Variants in CD163L1 observed in about 807,000 individuals in gnomAD.
The protein encoded by CD163L1 is CD163 molecule like 1.
In CD163L1, 124 loss-of-function variants were observed where a neutral mutation model predicts 165.4. The observed-to-expected ratio is 0.75, with a 90% CI of 0.65 to 0.87. The LOEUF (loss-of-function observed/expected upper bound fraction) is 0.87. Among genes scored for constraint, CD163L1 ranks in the 40% least tolerant of loss-of-function variants. The pLI is 0.00. For missense variants in CD163L1, 1,525 were observed against 1,799.9 expected (o/e 0.85, Z 2.76); for synonymous variants, 585 against 662.2 (o/e 0.88, Z 1.79).
intron 3 of CD163L1, 166 bp downstream of exon 3, chr12:7,433,208 G>A (rs1948658794): frequency 5.7e-6 from 3 of 527,076 alleles, no homozygotes; most frequent in Non-Finnish European, 9.5e-6. Flanking sequence ...AAAAAGAAAA[G>A]CAATTAGACA....
chr12:7,403,086 C>A (rs1182936296), intron 6 of CD163L1, among the ~76,000 whole-genome samples: 3 of 151,912 alleles, frequency 2.0e-5, no homozygotes, highest in African/African-American at 4.8e-5. Flanking sequence ...TACATCGTAT[C>A]AACATATGCA....
At chr12:7,355,594 T>C (rs1290385983) in intron 19 of CD163L1, among the ~76,000 whole-genome samples, 2 of 152,100 alleles carry the variant, frequency 1.3e-5, no homozygotes, top group Non-Finnish European at 2.9e-5. Context: ...TGCTCAGTGT[T>C]ATGAGCTGAA....
intron 5 of CD163L1, among the ~76,000 whole-genome samples, chr12:7,405,453 T>C (rs1947998185): frequency 6.6e-6 from 1 of 152,146 alleles, no homozygotes; most frequent in African/African-American, 2.4e-5. Flanking sequence ...GGTCCCCAGA[T>C]AAAACTTGCA....
At chr12:7,376,732 G>C (rs1947278737) in intron 9 of CD163L1, among the ~76,000 whole-genome samples, 1 of 152,060 alleles carries the variant, frequency 6.6e-6, no homozygotes, top group South Asian at 2.1e-4. Context: ...CTTTCAGAAA[G>C]TTTTGTTTTC....
chr12:7,332,443 A>G, the CD163L1 span, among the ~76,000 whole-genome samples: 2 of 151,400 alleles, frequency 1.3e-5, no homozygotes, highest in Admixed American at 6.6e-5. Flanking sequence ...CGCCACAAAG[A>G]TACTCCTCGA....
rs995537758 is a variant in CD163L1, at chr12:7,347,324, C to T, written c.*25-177G>A. On this transcript the variant is annotated intron_variant, in intron 4 of 4. Coordinates refer to the CD163L1 transcript ENST00000539726. This position sits in a 1 kb window ranked among gnomAD's most constrained non-coding sequence, Gnocchi z 4.2. ...GAAATCATTGCTCTTCAAAGATCCTCTTGGGCTAATGAATACCTGATGTAT... is the reference window on the plus strand; with the variant it reads ...GAAATCATTGCTCTTCAAAGATCCTTTTGGGCTAATGAATACCTGATGTAT... 2.0e-5 allele frequency among the ~76,000 whole-genome samples: 3 copies of T among 152,150 alleles called. No homozygotes were observed. The highest frequency in any genetic ancestry group is 4.4e-5 in the Non-Finnish European group (3 of 68,022).
chr12:7,407,645 A>C (rs1462791182), intron 4 of CD163L1, among the ~76,000 whole-genome samples: 1 of 151,848 alleles, frequency 6.6e-6, no homozygotes, highest in Non-Finnish European at 1.5e-5. Context: ...ATTTGGATAT[A>C]TATATACACA....
At chr12:7,358,677 T>C (rs750618504) in intron 18 of CD163L1, among the ~76,000 whole-genome samples, 123 of 152,178 alleles carry the variant, frequency 8.1e-4, no homozygotes, top group African/African-American at 2.8e-3. Flanking sequence ...CCACTATATA[T>C]CATGTCTGAC....
rs748163996 is a variant in CD163L1 at position 7,375,786 on chromosome 12, C to G, written c.2600G>C (p.Ser867Thr). The G allele has an allele frequency of 6.2e-7, 1 of 1,614,240 alleles. No homozygotes were observed. The highest frequency in any genetic ancestry group is 1.7e-5 in the Admixed American group (1 of 60,026). The change falls in exon 10 of 20, where the codon AGT becomes ACT. Residue 867 changes from serine to threonine, a missense_variant. Transcript: ENST00000313599. ...TWAEKFQCEG[S>T]ETHLALCPIV... ...GGGGCATAATGCAAGGTGAGTTTCA[C>G]TCCCTTCACACTGGAACTTTTCGGC...
rs1306901301 is a variant in CD163L1 at position 7,420,984 on chromosome 12, G to GGTATATATATACATATATATATATACGT, written c.766+11404_766+11431dup. ...ATCAATGACTGGGTAAAGAAATTGT[G>GGTATATATATACATATATATATATACGT]GTATATATATACATATATATATATA... is the stretch of plus-strand genomic sequence containing the variant. On this transcript the variant is annotated intron_variant, in intron 4 of 19. Coordinates refer to ENST00000313599, the MANE Select transcript of CD163L1 (RefSeq NM_174941.6). Among the ~76,000 whole-genome samples the GGTATATATATACATATATATATATACGT allele has an allele frequency of 3.7e-3, 374 of 101,502 alleles. 14 individuals carry two copies. The highest frequency in any genetic ancestry group is 0.015 in the African/African-American group (278 of 19,110). The allele number at this position is 101,502 out of a possible 152,430, so 66.6% of individuals were successfully genotyped here.
rs760170147 is a variant in CD163L1 at position 7,374,791 on chromosome 12, C to T, written c.3095-35G>A. 2 of 1,613,968 alleles carry T rather than the reference C, an allele frequency of 1.2e-6. No homozygotes were observed. Among genetic ancestry groups the T allele is most frequent in the Non-Finnish European group, 1.7e-6 (2 of 1,179,986 alleles). On this transcript the variant is annotated intron_variant, in intron 12 of 19. Coordinates refer to ENST00000313599, the MANE Select transcript of CD163L1 (RefSeq NM_174941.6). This position sits in a 1 kb window ranked among gnomAD's most constrained non-coding sequence, Gnocchi z 5.4. ...GAAAGTCCAGTTAATAGGTCACATTCTTTAGAGTTGCAGTGTTTCCTAAAA... is the reference window on the plus strand; with the variant it reads ...GAAAGTCCAGTTAATAGGTCACATTTTTTAGAGTTGCAGTGTTTCCTAAAA...
intron 18 of CD163L1, among the ~76,000 whole-genome samples, chr12:7,362,486 T>C (rs936231709): frequency 1.4e-5 from 2 of 140,442 alleles, no homozygotes; most frequent in Non-Finnish European, 3.0e-5. Context: ...TGTAAGATAG[T>C]ATATATTAAT....
At chr12:7,373,662 AG>A (rs1312944597) in intron 13 of CD163L1, 22 bp from the exon 14 acceptor site, 2 of 1,531,680 alleles carry the variant, frequency 1.3e-6, no homozygotes, top group Non-Finnish European at 1.8e-6. Flanking sequence ...TACAAAACTT[AG>A]TATTAAATAT....
chr12:7,322,362 G>C, the CD163L1 span: 8 of 1,608,740 alleles, frequency 5.0e-6, no homozygotes, highest in Non-Finnish European at 6.8e-6. Context: ...TAATTGTCTT[G>C]CAGTGAAAGC....
the CD163L1 span, among the ~76,000 whole-genome samples, chr12:7,327,622 A>G: frequency 6.6e-6 from 1 of 152,170 alleles, no homozygotes; most frequent in Non-Finnish European, 1.5e-5. Flanking sequence ...CCTTCTAACC[A>G]TGGAACTGGG....
chr12:7,404,583 A>T (rs763935276), intron 5 of CD163L1, among the ~76,000 whole-genome samples: 14 of 152,194 alleles, frequency 9.2e-5, no homozygotes, highest in Non-Finnish European at 1.5e-4. Flanking sequence ...AAAAATGTGG[A>T]GAACTTTTCT....
chr12:7,332,565 T>A, the CD163L1 span, among the ~76,000 whole-genome samples: 110 of 152,350 alleles, frequency 7.2e-4, no homozygotes, highest in South Asian at 5.2e-3. Flanking sequence ...GGGAAGCCCA[T>A]CAGACTAACA....
the CD163L1 span, chr12:7,324,497 A>G: frequency 1.9e-6 from 3 of 1,613,938 alleles, no homozygotes; most frequent in Admixed American, 3.3e-5. Flanking sequence ...TTTCCTCTTC[A>G]GGTACCGTAT....
intron 8 of CD163L1, among the ~76,000 whole-genome samples, chr12:7,389,235 G>T (rs761134923): frequency 2.6e-5 from 4 of 152,196 alleles, no homozygotes; most frequent in Non-Finnish European, 4.4e-5. Context: ...GTGTTCAAGG[G>T]TTCCCTTTTC....
Sources: allele counts gnomAD v4.1 joint callset (sites outside exome capture counted in the v4.1 genomes callset), GRCh38; gene constraint gnomAD v4.1.1; non-coding constraint Gnocchi (gnomAD v3.1); transcripts MANE v1.5; gene names NCBI Gene and HGNC (gene_info 2026-07-23, HGNC 2026-07-21).